ZC3H12B: variants seen among roughly 807,000 people sequenced by gnomAD.
ZC3H12B encodes zinc finger CCCH-type containing 12B, also known as probable ribonuclease ZC3H12B.
ZC3H12B carries 7 observed loss-of-function variants against 43.9 expected under a neutral mutation model. The observed-to-expected ratio is 0.16, with a 90% CI of 0.09 to 0.30. The LOEUF (loss-of-function observed/expected upper bound fraction) is 0.30. ZC3H12B is among the 10% of genes least tolerant of loss of function. The pLI is 1.00. For missense variants in ZC3H12B, 475 were observed against 670.2 expected, an observed-to-expected ratio of 0.71 and a Z score of 3.22; for synonymous variants, 222 against 241.7, an observed-to-expected ratio of 0.92 and a Z score of 0.76.
chrX:65,409,760 A>G (rs1204486412), intron 3 of ZC3H12B, among the ~76,000 whole-genome samples: 1 of 111,681 alleles, frequency 9.0e-6, no homozygotes, highest in Non-Finnish European at 1.9e-5. Flanking sequence ...TAGGAATTAA[A>G]GAAGCAAAAG....
At chrX:65,078,979 A>T in the ZC3H12B span, among the ~76,000 whole-genome samples, 1 of 110,703 alleles carries the variant, frequency 9.0e-6, no homozygotes, top group African/African-American at 3.3e-5. Context: ...ATTCTTTCTA[A>T]TTTTTGTACC....
the ZC3H12B span, among the ~76,000 whole-genome samples, chrX:65,188,482 T>C: frequency 2.6e-4 from 29 of 110,263 alleles, no homozygotes; most frequent in Non-Finnish European, 3.2e-4. Context: ...GTATTTGTTA[T>C]TGCCTGTCTT....
intron 3 of ZC3H12B, among the ~76,000 whole-genome samples, chrX:65,448,937 A>AAAAGAAAGAAAGAAAGAAAGAAAAAG (rs1270686619): frequency 7.5e-5 from 2 of 26,805 alleles, no homozygotes; most frequent in African/African-American, 1.8e-4. Context: ...AAAGAGAAGG[A>AAAAGAAAGAAAGAAAGAAAGAAAAAG]AAAGAAAGAA....
the ZC3H12B span, among the ~76,000 whole-genome samples, chrX:65,158,135 G>C: frequency 9.2e-6 from 1 of 108,740 alleles, no homozygotes; most frequent in East Asian, 2.9e-4. Flanking sequence ...GTATTCCATG[G>C]TGTATATGTG....
At chrX:65,042,703 G>T in the ZC3H12B span, among the ~76,000 whole-genome samples, 1 of 112,038 alleles carries the variant, frequency 8.9e-6, no homozygotes, top group South Asian at 3.7e-4. Flanking sequence ...CTTGATTAAG[G>T]ATTTTTGGTT....
At chrX:65,324,786 C>G in the ZC3H12B span, among the ~76,000 whole-genome samples, 4 of 110,483 alleles carry the variant, frequency 3.6e-5, no homozygotes, top group African/African-American at 6.6e-5. Context: ...GCTTGATGGA[C>G]TATTCTCTGT....
intron 3 of ZC3H12B, among the ~76,000 whole-genome samples, chrX:65,439,975 A>G (rs1389929894): frequency 1.8e-5 from 2 of 111,011 alleles, no homozygotes; most frequent in African/African-American, 6.6e-5. Context: ...GCCTGGAGAA[A>G]TACAAGCATA....
chrX:65,407,938 C>T, intron 3 of ZC3H12B: 2 of 707,823 alleles, frequency 2.8e-6, no homozygotes, highest in Non-Finnish European at 4.1e-6. Flanking sequence ...CCGGTACGCC[C>T]GGCCTAGCGC....
At chrX:65,047,675 G>A in the ZC3H12B span, among the ~76,000 whole-genome samples, 1 of 110,428 alleles carries the variant, frequency 9.1e-6, no homozygotes, top group Non-Finnish European at 1.9e-5. Context: ...TCTGATATTA[G>A]TATATGTACT....
chrX:65,098,541 C>T, the ZC3H12B span, among the ~76,000 whole-genome samples: 4 of 109,549 alleles, frequency 3.7e-5, no homozygotes, highest in African/African-American at 1.3e-4. Flanking sequence ...TTCCAACTGA[C>T]GTACCCTGTT....
chrX:65,449,229 T>C (rs1403592712), intron 3 of ZC3H12B, among the ~76,000 whole-genome samples: 1 of 110,886 alleles, frequency 9.0e-6, no homozygotes, highest in Non-Finnish European at 1.9e-5. Context: ...TGGGATGATT[T>C]GTGCAGCAAA....
At chrX:65,039,831 A>T in the ZC3H12B span, among the ~76,000 whole-genome samples, 1 of 111,495 alleles carries the variant, frequency 9.0e-6, no homozygotes, top group Admixed American at 9.5e-5. Context: ...TTCAAAAATA[A>T]TTTATTTTCT....
the ZC3H12B span, among the ~76,000 whole-genome samples, chrX:65,190,720 G>A: frequency 5.5e-5 from 6 of 108,848 alleles, no homozygotes; most frequent in East Asian, 2.9e-4. Flanking sequence ...GGGTTTTCTA[G>A]ATATACAATC....
At chrX:65,267,695 C>A in the ZC3H12B span, among the ~76,000 whole-genome samples, 12 of 111,237 alleles carry the variant, frequency 1.1e-4, no homozygotes, top group African/African-American at 3.9e-4. Context: ...AAGAAGAAAT[C>A]AAAAGGGGAA....
intron 3 of ZC3H12B, among the ~76,000 whole-genome samples, chrX:65,436,341 C>A (rs1325658086): frequency 3.6e-5 from 4 of 112,249 alleles, no homozygotes. Context: ...AACCACAAGG[C>A]CCAATGTCCA....
At chrX:65,382,864 G>A (rs193037766) in intron 2 of ZC3H12B, among the ~76,000 whole-genome samples, 55 of 111,199 alleles carry the variant, frequency 4.9e-4, no homozygotes, top group Non-Finnish European at 9.4e-4. Context: ...TTGCTTCCAA[G>A]AGAATAAAAT....
the ZC3H12B span, among the ~76,000 whole-genome samples, chrX:65,251,666 G>A: frequency 9.0e-6 from 1 of 111,722 alleles, no homozygotes; most frequent in African/African-American, 3.3e-5. Flanking sequence ...TCCCTTGTAA[G>A]TTGGATTCCT....
the ZC3H12B span, among the ~76,000 whole-genome samples, chrX:65,360,370 A>T: frequency 8.9e-6 from 1 of 112,454 alleles, no homozygotes; most frequent in African/African-American, 3.2e-5. Flanking sequence ...ACAATAAGAA[A>T]ACAATTTTAA....
the ZC3H12B span, among the ~76,000 whole-genome samples, chrX:65,277,149 G>A: frequency 2.7e-5 from 3 of 111,751 alleles, no homozygotes; most frequent in Admixed American, 1.9e-4. Context: ...TAAAGAGATC[G>A]ATTAAGAAAG....
Sources: allele counts gnomAD v4.1 joint callset (sites outside exome capture counted in the v4.1 genomes callset), GRCh38; gene constraint gnomAD v4.1.1; transcripts MANE v1.5; gene names NCBI Gene and HGNC (gene_info 2026-07-23, HGNC 2026-07-21).